The following ZNF408 variants were observed in gnomAD, a reference collection of about 807,000 sequenced individuals.
ZNF408 encodes the protein zinc finger protein 408.
A neutral mutation model predicts 27.6 loss-of-function variants in ZNF408; 24 were observed. The observed-to-expected ratio is 0.87, with a 90% CI of 0.63 to 1.22. The LOEUF is 1.22. Ranked by LOEUF, ZNF408 falls within the 50% of genes most tolerant of loss-of-function variation. ZNF408 has a pLI of 0.00. For missense variants in ZNF408, 897 were observed against 949.0 expected (o/e 0.95, Z 0.72); for synonymous variants, 410 against 396.1 (o/e 1.04, Z -0.42).
At chr11:46,702,864 CAGTGAATGTTCCAA>C in intron 3 of ZNF408, 99 bp downstream of exon 3, 3 of 1,595,558 alleles carry the variant, frequency 1.9e-6, no homozygotes, top group Non-Finnish European at 2.6e-6. Flanking sequence ...TGCTCTTTTG[CAGTGAATGTTCCAA>C]AGGCACGGCG....
intron 1 of ZNF408, 68 bp from the exon 2 acceptor site, chr11:46,701,331 C>T: frequency 6.3e-7 from 1 of 1,589,172 alleles, no homozygotes. Flanking sequence ...CTGCGGTTTC[C>T]TCCCACACTT....
chr11:46,705,646 T>A lies in ZNF408; in HGVS notation c.1946T>A (p.Val649Glu), dbSNP rs746481668. Residue 649 changes from valine to glutamate, a missense_variant, in exon 5 of 5, where the codon GTG becomes GAG. Val to Glu is a moderately radical substitution (Grantham distance 121). Coordinates refer to ENST00000311764, the MANE Select transcript of ZNF408 (RefSeq NM_024741.3). The surrounding 1 kb of genome is among the most constrained non-coding windows in gnomAD (Gnocchi z 6.5). Reference protein sequence around the residue: ...SVPSAASEPTVVLLQAEPQLL... With the variant: ...SVPSAASEPTEVLLQAEPQLL... ...CCTTCTGCTGCTTCTGAGCCCACTG[T>A]GGTGCTCCTGCAGGCTGAGCCACAA... 58 of 1,613,502 alleles carry A rather than the reference T, an allele frequency of 3.6e-5. No individual in the cohort carries two copies. The highest frequency in any genetic ancestry group is 1.7e-6 in the Non-Finnish European group (2 of 1,180,040).
chr11:46,703,292 A>C lies in ZNF408; in HGVS notation c.652+49A>C, dbSNP rs566643302. The C allele has an allele frequency of 5.7e-5, 90 of 1,569,160 alleles. 1 individual carries two copies. Among genetic ancestry groups the C allele is most frequent in the Middle Eastern group, 1.7e-4 (1 of 5,928 alleles). On this transcript the variant is annotated intron_variant, in intron 4 of 4. Transcript: ENST00000311764. ...TTCCCAGCAATTTCCCCACCAAAAC[A>C]ACCTGTTGATAAGACAAAGCAGAGT...
Position 46,701,041 on chromosome 11 carries a change from A to T in ZNF408, c.-7A>T. ...ACTTCCGGCGTAGGGAGGCTTTCTGACCCGGAATGGAGGAGGCGGAGGAGC... is the reference window on the plus strand; with the variant it reads ...ACTTCCGGCGTAGGGAGGCTTTCTGTCCCGGAATGGAGGAGGCGGAGGAGC... On this transcript the variant is annotated 5_prime_UTR_variant, in exon 1 of 5. Transcript: ENST00000311764. The T allele has an allele frequency of 1.2e-6, 2 of 1,613,996 alleles. No homozygotes were observed. Among genetic ancestry groups the T allele is most frequent in the Middle Eastern group, 1.7e-4 (1 of 6,052 alleles).
At position 46,705,548 on chromosome 11, in the gene ZNF408, C is replaced by T. The variant is rs2134511423; in HGVS notation, c.1848C>T (p.Tyr616=). The T allele has an allele frequency of 6.2e-7, 1 of 1,605,112 alleles. No individual in the cohort carries two copies. Among genetic ancestry groups the T allele is most frequent in the Non-Finnish European group, 8.5e-7 (1 of 1,179,964 alleles). Residue 616 remains tyrosine, a synonymous_variant, in exon 5 of 5, where the codon TAC becomes TAT. Transcript: ENST00000311764. The surrounding 1 kb of genome is among the most constrained non-coding windows in gnomAD (Gnocchi z 6.5). Reference sequence around the variant, plus strand: ...GCTGCCCCACCTGTGGCATGGGCTACACCCTCCCGCAGAGCCTCAGGCGGC... The same window carrying T: ...GCTGCCCCACCTGTGGCATGGGCTATACCCTCCCGCAGAGCCTCAGGCGGC... ...PYRCPTCGMG[Y]TLPQSLRRHQ...
rs746927927 is a variant in ZNF408, at chr11:46,705,245, G to A, written c.1545G>A (p.Leu515=). Residue 515 remains leucine, a synonymous_variant, in exon 5 of 5, where the codon TTG becomes TTA. Transcript: ENST00000311764. This position sits in a 1 kb window ranked among gnomAD's most constrained non-coding sequence, Gnocchi z 6.5. The stretch of plus-strand genomic sequence containing the variant: ...AGCGGGGCAACCTGCGTGGGCATTT[G>A]CGGCTCCACACCGGGGAGCGTCCTT... ...FRQRGNLRGH[L]RLHTGERPYR... 3 of 1,611,790 alleles carry A rather than the reference G, an allele frequency of 1.9e-6. No individual in the cohort carries two copies. The Middle Eastern group carries it at 4.9e-4, about 266-fold the overall frequency.
rs751342177 is a variant in ZNF408 at position 46,702,687 on chromosome 11, T to C, written c.331-17T>C. The C allele has an allele frequency of 1.0e-4, 165 of 1,612,866 alleles. No homozygotes were observed. The Middle Eastern group carries it at 2.8e-3, about 27-fold the overall frequency. On this transcript the variant is annotated splice_polypyrimidine_tract_variant and intron_variant, in intron 2 of 4. Coordinates refer to ENST00000311764, the MANE Select transcript of ZNF408 (RefSeq NM_024741.3). ...CCTCGAACACATTTGAGAAGGACTT[T>C]TGTTGGTTTATTTCAGAACCTGTCA... is the stretch of plus-strand genomic sequence containing the variant.
At position 46,704,761 on chromosome 11, in the gene ZNF408, G is replaced by A. The variant is rs375616892; in HGVS notation, c.1061G>A (p.Arg354Gln). The change falls in exon 5 of 5, where the codon CGG becomes CAG. Residue 354 changes from arginine to glutamine, a missense_variant. Physicochemically the swap from Arg to Gln is conservative, Grantham distance 43 (BLOSUM62 1). Coordinates refer to ENST00000311764, the MANE Select transcript of ZNF408 (RefSeq NM_024741.3). ...GSSPKQGRRY[R>Q]CGECGKAFLQ... ...TCCCCAAAGCAGGGGCGACGGTACC[G>A]GTGTGGAGAGTGTGGCAAGGCATTC... 2.9e-5 allele frequency: 46 copies of A among 1,596,920 alleles called. No homozygotes were observed. Among genetic ancestry groups the A allele is most frequent in the Admixed American group, 3.5e-5 (2 of 57,880 alleles).
At chr11:46,704,124 C>T (rs1023147941) in intron 4 of ZNF408, among the ~76,000 whole-genome samples, 5 of 152,042 alleles carry the variant, frequency 3.3e-5, no homozygotes, top group African/African-American at 1.2e-4. Context: ...AGTGATTATC[C>T]AGATGGCTGG....
Position 46,701,590 on chromosome 11 carries a change from C to T in ZNF408, c.244C>T (p.Leu82=), listed in dbSNP as rs758269381. The T allele has an allele frequency of 2.4e-5, 38 of 1,612,110 alleles. 1 individual carries two copies. The South Asian group carries it at 4.2e-4, about 18-fold the overall frequency. Residue 82 remains leucine, a synonymous_variant, in exon 2 of 5, where the codon CTG becomes TTG. Coordinates refer to ENST00000311764, the MANE Select transcript of ZNF408 (RefSeq NM_024741.3). ...GGGGGTCTGGTGTGTCGGGGACCCC[C>T]TGCAGCCCGGCCTGCTGTGGGGGCC... ...RLGVWCVGDP[L]QPGLLWGPLE...
At position 46,701,052 on chromosome 11, in the gene ZNF408, A is replaced by T. The variant is rs1336848932; in HGVS notation, c.5A>T (p.Glu2Val). 1.2e-6 allele frequency: 2 copies of T among 1,614,060 alleles called. No individual in the cohort carries two copies. The highest frequency in any genetic ancestry group is 3.3e-5 in the Admixed American group (2 of 60,012). M[E>V]EAEELLLEGK... The stretch of plus-strand genomic sequence containing the variant: ...AGGGAGGCTTTCTGACCCGGAATGG[A>T]GGAGGCGGAGGAGCTGCTCTTGGAG... Residue 2 changes from glutamate to valine, a missense_variant, in exon 1 of 5, where the codon GAG becomes GTG. Glu to Val is a moderately radical substitution (Grantham distance 121). Transcript: ENST00000311764.
Position 46,705,466 on chromosome 11 carries a change from C to T in ZNF408, c.1766C>T (p.Thr589Met), listed in dbSNP as rs201157341. The change falls in exon 5 of 5, where the codon ACG becomes ATG. Residue 589 changes from threonine (T) to methionine (M), a missense_variant. Transcript: ENST00000311764. This position sits in a 1 kb window ranked among gnomAD's most constrained non-coding sequence, Gnocchi z 6.5. The part of the protein sequence containing the change: ...FPCPQCGRAY[T>M]LATKLRRHLK... ...TGTCCCCAGTGTGGCCGTGCTTACA[C>T]GCTGGCCACCAAGCTGCGGCGCCAC... is the stretch of plus-strand genomic sequence containing the variant. 20 of 1,607,400 alleles carry T rather than the reference C, an allele frequency of 1.2e-5. No homozygotes were observed. The East Asian group carries it at 2.0e-4, about 16-fold the overall frequency.
chr11:46,704,797 G>A lies in ZNF408; in HGVS notation c.1097G>A (p.Cys366Tyr). Residue 366 changes from cysteine (C) to tyrosine (Y), a missense_variant, in exon 5 of 5, where the codon TGC (cysteine) becomes TAC (tyrosine). Physicochemically the swap from Cys to Tyr is radical, Grantham distance 194. Coordinates refer to ENST00000311764, the MANE Select transcript of ZNF408 (RefSeq NM_024741.3). ...GECGKAFLQLCHLKKHAFVHT... is the reference protein window; with the variant it reads ...GECGKAFLQLYHLKKHAFVHT... ...TGTGGCAAGGCATTCCTACAGCTGT[G>A]CCACCTAAAGAAGCACGCATTTGTG... 1.3e-6 allele frequency: 2 copies of A among 1,597,854 alleles called. No individual in the cohort carries two copies. The highest frequency in any genetic ancestry group is 8.5e-7 in the Non-Finnish European group (1 of 1,171,684).
rs764234723 is a variant in ZNF408, at chr11:46,704,838, C to T, written c.1138C>T (p.Pro380Ser). ...KHAFVHTGHK[P>S]FLCTECGKSY... ...CGCATTTGTGCACACGGGCCACAAGCCCTTTCTTTGCACTGAGTGTGGCAA... is the reference window on the plus strand; with the variant it reads ...CGCATTTGTGCACACGGGCCACAAGTCCTTTCTTTGCACTGAGTGTGGCAA... The change falls in exon 5 of 5, where the codon CCC becomes TCC. Residue 380 changes from proline (P) to serine (S), a missense_variant. Coordinates refer to ENST00000311764, the MANE Select transcript of ZNF408 (RefSeq NM_024741.3). The T allele has an allele frequency of 6.2e-7, 1 of 1,600,722 alleles. No homozygotes were observed. Among genetic ancestry groups the T allele is most frequent in the Non-Finnish European group, 8.5e-7 (1 of 1,173,294 alleles).
chr11:46,702,674 T>A (rs1000785085), intron 2 of ZNF408, 30 bp from the exon 3 acceptor site: 2 of 1,610,896 alleles, frequency 1.2e-6, no homozygotes, highest in East Asian at 4.5e-5. Context: ...TCGAACACAT[T>A]TGAGAAGGAC....
rs36017347 is a variant in ZNF408, at chr11:46,704,710, G to A, written c.1010G>A (p.Arg337Gln). ...CAGTCTGGCTTCCCTACACTCTCGC[G>A]GAGCCCTCCTGGCCCAGCAGGAAGC... ...AQQSGFPTLS[R>Q]SPPGPAGSSP... The change falls in exon 5 of 5, where the codon CGG (arginine) becomes CAG (glutamine). Residue 337 changes from arginine to glutamine, a missense_variant. Coordinates refer to ENST00000311764, the MANE Select transcript of ZNF408 (RefSeq NM_024741.3). The A allele has an allele frequency of 3.0e-5, 49 of 1,608,204 alleles. 1 individual carries two copies. Among genetic ancestry groups the A allele is most frequent in the South Asian group, 2.9e-4 (26 of 90,470 alleles).
rs562455857 is a variant in ZNF408, at chr11:46,705,428, G to C, written c.1728G>C (p.Glu576Asp). The C allele has an allele frequency of 1.9e-6, 3 of 1,608,164 alleles. No homozygotes were observed. The highest frequency in any genetic ancestry group is 1.1e-5 in the South Asian group (1 of 91,044). ...LRAHERLHSG[E>D]RPFPCPQCGR... Reference sequence around the variant, plus strand: ...CTCACGAGCGCCTGCACTCCGGAGAGAGGCCCTTTCCCTGTCCCCAGTGTG... The same window carrying C: ...CTCACGAGCGCCTGCACTCCGGAGACAGGCCCTTTCCCTGTCCCCAGTGTG... Residue 576 changes from glutamate (E) to aspartate (D), a missense_variant, in exon 5 of 5, where the codon GAG becomes GAC. Glu to Asp is a conservative substitution (Grantham distance 45, BLOSUM62 2). Transcript: ENST00000311764. This position sits in a 1 kb window ranked among gnomAD's most constrained non-coding sequence, Gnocchi z 6.5.
At chr11:46,704,059 A>G (rs1288475734) in intron 4 of ZNF408, among the ~76,000 whole-genome samples, 4 of 151,862 alleles carry the variant, frequency 2.6e-5, no homozygotes, top group Non-Finnish European at 4.4e-5. Flanking sequence ...CACATCCTAA[A>G]TATGTGTCTC....
rs1238334115 is a variant in ZNF408, at chr11:46,704,633, C to T, written c.933C>T (p.Ser311=). ...PHGYLAKKLH[S]PSDQCPPRAK... The stretch of plus-strand genomic sequence containing the variant: ...GCTACCTGGCCAAGAAGTTACACAG[C>T]CCCAGTGATCAGTGCCCACCCAGAG... Residue 311 remains serine, a synonymous_variant, in exon 5 of 5, where the codon AGC becomes AGT. Coordinates refer to ENST00000311764, the MANE Select transcript of ZNF408 (RefSeq NM_024741.3). The T allele has an allele frequency of 1.9e-6, 3 of 1,613,936 alleles. No homozygotes were observed. The South Asian group carries it at 3.3e-5, about 18-fold the overall frequency.
Sources: gnomAD v4.1 joint callset for allele counts (sites outside exome capture counted in the v4.1 genomes callset) on GRCh38, gnomAD v4.1.1 for gene constraint, Gnocchi (gnomAD v3.1) non-coding constraint, MANE v1.5 for transcripts, NCBI Gene and HGNC (gene_info 2026-07-23, HGNC 2026-07-21) for gene names.